RMND5A: variants seen among roughly 807,000 people sequenced by gnomAD.
The protein encoded by RMND5A is required for meiotic nuclear division 5 homolog A.
In RMND5A, 17 loss-of-function variants were observed where a neutral mutation model predicts 49.7. That is an observed-to-expected ratio of 0.34 (90% CI 0.23 to 0.51). The LOEUF (loss-of-function observed/expected upper bound fraction) is 0.51. RMND5A is among the 20% of genes least tolerant of loss of function. The pLI is 0.96. For synonymous variants in RMND5A, 156 were observed against 167.7 expected (o/e 0.93, Z 0.54); for missense variants, 255 against 471.3 (o/e 0.54, Z 4.25).
chr2:86,764,700 CT>C (rs1672561248), intron 4 of RMND5A, among the ~76,000 whole-genome samples: 1 of 152,182 alleles, frequency 6.6e-6, no homozygotes, highest in Non-Finnish European at 1.5e-5. Flanking sequence ...AGCAGTGGAT[CT>C]AGGCAATTTA....
intron 4 of RMND5A, among the ~76,000 whole-genome samples, chr2:86,760,207 A>C (rs1306407321): frequency 1.3e-5 from 2 of 151,874 alleles, no homozygotes; most frequent in Admixed American, 6.6e-5. Flanking sequence ...ACCACACCCG[A>C]CTAATTTTGT....
Position 86,720,532 on chromosome 2 carries a change from G to T in RMND5A, c.-136G>T. 1 of 525,870 alleles carries T rather than the reference G, an allele frequency of 1.9e-6. No homozygotes were observed. The highest frequency in any genetic ancestry group is 2.7e-6 in the Non-Finnish European group (1 of 368,966). 32.6% of individuals were successfully genotyped at this position (525,870 alleles called of 1,614,324 possible). On this transcript the variant is annotated 5_prime_UTR_variant, in exon 1 of 9. Transcript: ENST00000283632. ...GCTCCCCCGGCGCCGCGGCTAGTGC[G>T]CCCGCCGCCTCGGCCGCCTCAGCCT...
Position 86,730,022 on chromosome 2 carries a change from G to A in RMND5A, c.142+9213G>A, listed in dbSNP as rs1339892259. ...TAGGGACCTGTCTTTGGGTACTGGT[G>A]GTAGAAATTTAAAGGGACACATGAA... On this transcript the variant is annotated intron_variant, in intron 1 of 8. Coordinates refer to ENST00000283632, the MANE Select transcript of RMND5A (RefSeq NM_022780.4). Among the ~76,000 whole-genome samples the A allele has an allele frequency of 4.1e-5, 2 of 48,486 alleles. 1 individual carries two copies. The highest frequency in any genetic ancestry group is 1.9e-4 in the African/African-American group (2 of 10,658). The allele number at this position is 48,486 out of a possible 152,430, so 31.8% of individuals were successfully genotyped here.
chr2:86,742,702 G>A (rs1286629296), intron 2 of RMND5A, among the ~76,000 whole-genome samples: 2 of 151,730 alleles, frequency 1.3e-5, no homozygotes, highest in African/African-American at 2.4e-5. Flanking sequence ...CAGTGACCAA[G>A]GCATCCTGGT....
Position 86,770,069 on chromosome 2 carries a change from G to A in RMND5A, c.901G>A (p.Ala301Thr), listed in dbSNP as rs145345215. The A allele has an allele frequency of 1.2e-6, 2 of 1,613,928 alleles. No homozygotes were observed. The highest frequency in any genetic ancestry group is 2.7e-5 in the African/African-American group (2 of 74,886). ...GCTGCCAGCTTTAATTAACATCAAAGCCGTGATTGAACAGAGGCAGTGTAC... is the reference window on the plus strand; with the variant it reads ...GCTGCCAGCTTTAATTAACATCAAAACCGTGATTGAACAGAGGCAGTGTAC... Reference protein sequence around the residue: ...VALPALINIKAVIEQRQCTGV... With the variant: ...VALPALINIKTVIEQRQCTGV... Residue 301 changes from alanine to threonine, a missense_variant, in exon 7 of 9, where the codon GCC becomes ACC. Physicochemically the swap from Ala to Thr is moderately conservative, Grantham distance 58. Coordinates refer to ENST00000283632, the MANE Select transcript of RMND5A (RefSeq NM_022780.4).
Position 86,773,570 on chromosome 2 carries a change from G to T in RMND5A, c.*159G>T. Reference sequence around the variant, plus strand: ...CCTGTTAGTGTACACACACTGAGGGGAGTGCTCCCGGTGAATATTATCATA... The same window carrying T: ...CCTGTTAGTGTACACACACTGAGGGTAGTGCTCCCGGTGAATATTATCATA... On this transcript the variant is annotated 3_prime_UTR_variant, in exon 9 of 9. Coordinates refer to ENST00000283632, the MANE Select transcript of RMND5A (RefSeq NM_022780.4). 2 of 491,484 alleles carry T rather than the reference G, an allele frequency of 4.1e-6. No individual in the cohort carries two copies. The highest frequency in any genetic ancestry group is 3.7e-6 in the Non-Finnish European group (1 of 267,432). 30.4% of individuals were successfully genotyped at this position (491,484 alleles called of 1,614,324 possible). A position where few individuals can be genotyped will look rare whatever the true frequency, so the allele number is the denominator to read the frequency against.
chr2:86,759,052 T>G (rs1382778826), intron 4 of RMND5A, among the ~76,000 whole-genome samples: 5 of 152,214 alleles, frequency 3.3e-5, no homozygotes, highest in Admixed American at 2.0e-4. Context: ...TGTGAAAGGT[T>G]ACAGTGGAAT....
chr2:86,765,851 T>C lies in RMND5A; in HGVS notation c.689-8T>C. 1 of 1,612,340 alleles carries C rather than the reference T, an allele frequency of 6.2e-7. No individual in the cohort carries two copies. The highest frequency in any genetic ancestry group is 8.5e-7 in the Non-Finnish European group (1 of 1,179,220). The stretch of plus-strand genomic sequence containing the variant: ...AAACTAATGCTTTCTTGCTGGTGCT[T>C]TTTTTAGACATTCAGGTTTTGATGG... On this transcript the variant is annotated splice_polypyrimidine_tract_variant and splice_region_variant and intron_variant, in intron 5 of 8. Coordinates refer to ENST00000283632, the MANE Select transcript of RMND5A (RefSeq NM_022780.4).
chr2:86,763,764 A>G (rs1487296911), intron 4 of RMND5A, among the ~76,000 whole-genome samples: 1 of 151,918 alleles, frequency 6.6e-6, no homozygotes, highest in Admixed American at 6.6e-5. Context: ...TGGCAGAGTG[A>G]GACCCCGTCT....
At chr2:86,740,704 C>T (rs542862550) in intron 1 of RMND5A, among the ~76,000 whole-genome samples, 9 of 149,728 alleles carry the variant, frequency 6.0e-5, no homozygotes, top group Non-Finnish European at 1.0e-4. Flanking sequence ...AAAAATGATT[C>T]CTTTCACAGT....
At chr2:86,746,885 A>G (rs925322891) in intron 2 of RMND5A, among the ~76,000 whole-genome samples, 4 of 152,232 alleles carry the variant, frequency 2.6e-5, no homozygotes, top group African/African-American at 9.6e-5. Flanking sequence ...CTTAATGTTG[A>G]TAACCAAAGA....
intron 6 of RMND5A, among the ~76,000 whole-genome samples, chr2:86,768,050 G>A (rs1672629921): frequency 6.6e-6 from 1 of 152,134 alleles, no homozygotes; most frequent in Admixed American, 6.5e-5. Context: ...TTTGGAAACT[G>A]TAGTTATTTT....
chr2:86,766,031 A>C lies in RMND5A; in HGVS notation c.854+7A>C, dbSNP rs1273068796. 6.2e-7 allele frequency: 1 copy of C among 1,610,654 alleles called. No homozygotes were observed. The highest frequency in any genetic ancestry group is 8.5e-7 in the Non-Finnish European group (1 of 1,178,456). On this transcript the variant is annotated splice_region_variant and intron_variant, in intron 6 of 8. Coordinates refer to ENST00000283632, the MANE Select transcript of RMND5A (RefSeq NM_022780.4). ...AGTCCCCTCTCAGTGTCAGGTATGGAAATTAGCCCTGTCTGTTATTGAAGT... is the reference window on the plus strand; with the variant it reads ...AGTCCCCTCTCAGTGTCAGGTATGGCAATTAGCCCTGTCTGTTATTGAAGT...
rs773919724 is a variant in RMND5A, at chr2:86,770,122, A to G, written c.954A>G (p.Leu318=). 1 of 1,601,502 alleles carries G rather than the reference A, an allele frequency of 6.2e-7. No individual in the cohort carries two copies. Among genetic ancestry groups the G allele is most frequent in the Non-Finnish European group, 8.6e-7 (1 of 1,168,538 alleles). Residue 318 remains leucine, a synonymous_variant, in exon 7 of 9, where the codon TTA becomes TTG. Coordinates refer to ENST00000283632, the MANE Select transcript of RMND5A (RefSeq NM_022780.4). ...CTGVWNQKDE[L]PIEVDLGKKC... is the part of the protein sequence containing the mutation. ...GAGTTTGGAACCAGAAAGATGAATT[A>G]CCTGTGAGTTCCATTTTCTATTGGC...
chr2:86,772,914 A>C (rs1347344662), intron 8 of RMND5A, among the ~76,000 whole-genome samples: 1 of 152,052 alleles, frequency 6.6e-6, no homozygotes, highest in Non-Finnish European at 1.5e-5. Flanking sequence ...TACTGGTTTC[A>C]TGTGTCACTG....
At chr2:86,721,075 T>C in intron 1 of RMND5A, 1 of 338,814 alleles carries the variant, frequency 3.0e-6, no homozygotes, top group Non-Finnish European at 5.4e-6. Context: ...CGGATAAACG[T>C]GGGTGAGGGG....
chr2:86,762,471 C>T (rs531661324), intron 4 of RMND5A, among the ~76,000 whole-genome samples: 1 of 150,834 alleles, frequency 6.6e-6, no homozygotes, highest in South Asian at 2.1e-4. Flanking sequence ...ATGGTGAGAC[C>T]CTATCTCTAC....
At chr2:86,767,846 A>C (rs1003118832) in intron 6 of RMND5A, among the ~76,000 whole-genome samples, 8 of 152,342 alleles carry the variant, frequency 5.3e-5, no homozygotes, top group African/African-American at 1.9e-4. Flanking sequence ...CAATGATCCA[A>C]AGTGATCAAA....
At chr2:86,734,796 G>A (rs2104387087) in intron 1 of RMND5A, among the ~76,000 whole-genome samples, 1 of 149,364 alleles carries the variant, frequency 6.7e-6, no homozygotes. Context: ...GTTGTCTGCT[G>A]GTTGTAGAAA....
Sources: gnomAD v4.1 joint callset for allele counts (sites outside exome capture counted in the v4.1 genomes callset) on GRCh38, gnomAD v4.1.1 for gene constraint, MANE v1.5 for transcripts, NCBI Gene and HGNC (gene_info 2026-07-23, HGNC 2026-07-21) for gene names.